NBAS: variants seen among roughly 807,000 people sequenced by gnomAD.
NBAS encodes NBAS subunit of NRZ tethering complex, also known as NAG/BC035112 fusion.
A neutral mutation model predicts 302.5 loss-of-function variants in NBAS; 219 were observed. That is an observed-to-expected ratio of 0.72 (90% CI 0.65 to 0.81). NBAS has a LOEUF of 0.81. Ranked by LOEUF, NBAS falls within the 30% of genes least tolerant of loss-of-function variation. NBAS has a pLI of 0.00. For synonymous variants in NBAS, 1,118 were observed against 1,021.6 expected, an observed-to-expected ratio of 1.09 and a Z score of -1.80; for missense variants, 2,932 against 2,841.6, an observed-to-expected ratio of 1.03 and a Z score of -0.72.
chr2:15,014,163 T>C, the NBAS span, among the ~76,000 whole-genome samples: 1 of 152,142 alleles, frequency 6.6e-6, no homozygotes, highest in Non-Finnish European at 1.5e-5. Context: ...CAAATATTAT[T>C]ACATCTAAAA....
At chr2:15,179,385 A>G in intron 50 of NBAS, 1 of 407,588 alleles carries the variant, frequency 2.5e-6, no homozygotes, top group South Asian at 2.9e-5. Flanking sequence ...GTACAGATAT[A>G]GTGGTATAAT....
intron 44 of NBAS, among the ~76,000 whole-genome samples, chr2:15,256,225 T>G (rs1003999410): frequency 6.6e-6 from 1 of 152,202 alleles, no homozygotes; most frequent in Non-Finnish European, 1.5e-5. Context: ...ATTTATGATT[T>G]CTTTCAGCCG....
intron 11 of NBAS, among the ~76,000 whole-genome samples, chr2:15,491,171 A>ACCTTCCTCCCAC (rs1680840014): frequency 6.6e-6 from 1 of 152,170 alleles, no homozygotes; most frequent in Non-Finnish European, 1.5e-5. Flanking sequence ...AGTCATTCCC[A>ACCTTCCTCCCAC]CCTTCCTCCC....
At chr2:15,363,916 C>G (rs1157755792) in intron 32 of NBAS, among the ~76,000 whole-genome samples, 1 of 152,168 alleles carries the variant, frequency 6.6e-6, no homozygotes, top group Admixed American at 6.5e-5. Context: ...AAAGGCATTA[C>G]AGCTTCCTCT....
the NBAS span, among the ~76,000 whole-genome samples, chr2:14,784,341 C>T: frequency 5.3e-5 from 8 of 152,224 alleles, no homozygotes; most frequent in Middle Eastern, 6.8e-3. Context: ...ATTTGTCAAT[C>T]TTGGCTTTTG....
the NBAS span, among the ~76,000 whole-genome samples, chr2:14,971,176 AAT>A: frequency 1.3e-5 from 2 of 152,176 alleles, no homozygotes; most frequent in South Asian, 4.1e-4. Context: ...CCATTCATAC[AAT>A]AGTTTTAAGC....
At chr2:14,845,101 C>G in the NBAS span, among the ~76,000 whole-genome samples, 16 of 152,148 alleles carry the variant, frequency 1.1e-4, no homozygotes, top group Non-Finnish European at 2.1e-4. Context: ...TTGAGTGAGA[C>G]CCAGTGCTCT....
At chr2:15,366,948 T>C (rs1385206405) in intron 31 of NBAS, among the ~76,000 whole-genome samples, 1 of 152,176 alleles carries the variant, frequency 6.6e-6, no homozygotes, top group Non-Finnish European at 1.5e-5. Flanking sequence ...AATCTGAAAC[T>C]AGAAAAAACT....
intron 11 of NBAS, among the ~76,000 whole-genome samples, chr2:15,490,322 C>G (rs1216949907): frequency 6.6e-6 from 1 of 152,044 alleles, no homozygotes; most frequent in African/African-American, 2.4e-5. Context: ...AGATTAGCAT[C>G]CTCTAATCAC....
At chr2:15,167,445 G>A in intron 51 of NBAS, 122 bp from the exon 52 acceptor site, 1 of 1,257,928 alleles carries the variant, frequency 7.9e-7, no homozygotes, top group Non-Finnish European at 1.1e-6. Flanking sequence ...GGGTTTAAAA[G>A]CGTGTGTGGG....
chr2:14,918,759 A>G, the NBAS span, among the ~76,000 whole-genome samples: 1 of 152,098 alleles, frequency 6.6e-6, no homozygotes, highest in African/African-American at 2.4e-5. Flanking sequence ...CTGCAGTGGG[A>G]AACAGGAATA....
chr2:15,532,167 G>C (rs1277816921), intron 9 of NBAS, among the ~76,000 whole-genome samples: 1 of 152,092 alleles, frequency 6.6e-6, no homozygotes, highest in Non-Finnish European at 1.5e-5. Flanking sequence ...TTTCTTACCT[G>C]TAAGTATCAG....
chr2:15,161,518 T>C, the NBAS span, among the ~76,000 whole-genome samples: 3,902 of 152,278 alleles, frequency 0.026, 116 homozygotes, highest in East Asian at 0.14. Context: ...TAACCAGTAC[T>C]GCTGAGGAGA....
At chr2:14,952,098 C>G in the NBAS span, among the ~76,000 whole-genome samples, 1 of 152,204 alleles carries the variant, frequency 6.6e-6, no homozygotes, top group Admixed American at 6.5e-5. Flanking sequence ...CCCTGCCTCC[C>G]CCTGGCCATC....
the NBAS span, among the ~76,000 whole-genome samples, chr2:14,806,505 A>G: frequency 6.6e-6 from 1 of 152,200 alleles, no homozygotes; most frequent in African/African-American, 2.4e-5. Context: ...GAGCGATTCC[A>G]TGCACTTTCT....
At chr2:15,084,161 G>A in the NBAS span, among the ~76,000 whole-genome samples, 6 of 151,856 alleles carry the variant, frequency 4.0e-5, no homozygotes, top group South Asian at 6.3e-4. Flanking sequence ...TAATCCTCCC[G>A]CCTCAGCCTC....
intron 48 of NBAS, among the ~76,000 whole-genome samples, chr2:15,197,470 G>A (rs1274543940): frequency 2.0e-5 from 3 of 152,120 alleles, no homozygotes; most frequent in African/African-American, 7.2e-5. Context: ...AACACTAACT[G>A]AGCATCTACT....
At chr2:15,033,287 T>C in the NBAS span, among the ~76,000 whole-genome samples, 2 of 152,248 alleles carry the variant, frequency 1.3e-5, no homozygotes, top group Non-Finnish European at 2.9e-5. Flanking sequence ...TCCACCACTG[T>C]ATTTTGGAAG....
At chr2:15,513,490 TCTAA>T (rs1000056919) in intron 9 of NBAS, among the ~76,000 whole-genome samples, 3 of 152,058 alleles carry the variant, frequency 2.0e-5, no homozygotes, top group Non-Finnish European at 2.9e-5. Flanking sequence ...TCCCTCAGAA[TCTAA>T]CTCTCAATTT....
Sources: allele counts gnomAD v4.1 joint callset (sites outside exome capture counted in the v4.1 genomes callset), GRCh38; gene constraint gnomAD v4.1.1; transcripts MANE v1.5; gene names NCBI Gene and HGNC (gene_info 2026-07-23, HGNC 2026-07-21).